The following LYST variants were observed in gnomAD, a reference collection of about 807,000 sequenced individuals.
LYST encodes the protein lysosomal trafficking regulator.
Under a neutral mutation model 413.6 loss-of-function variants are expected in LYST, and 192 were observed. That is an observed-to-expected ratio of 0.46 (90% CI 0.41 to 0.52). LYST has a LOEUF of 0.52. LYST is among the 20% of genes least tolerant of loss of function. The pLI is 0.00. For synonymous variants in LYST, 1,525 were observed against 1,567.3 expected, an observed-to-expected ratio of 0.97 and a Z score of 0.64; for missense variants, 3,815 against 4,499.9, an observed-to-expected ratio of 0.85 and a Z score of 4.35.
chr1:235,714,935 A>AATT (rs1470525234), intron 42 of LYST, among the ~76,000 whole-genome samples: 1 of 152,226 alleles, frequency 6.6e-6, no homozygotes, highest in East Asian at 1.9e-4. Flanking sequence ...ATGGTTTGTG[A>AATT]ATTATATCTT....
intron 29 of LYST, among the ~76,000 whole-genome samples, chr1:235,744,470 A>C (rs1391534546): frequency 9.9e-5 from 15 of 152,234 alleles, no homozygotes. Flanking sequence ...AGATCATGTC[A>C]TATTTACATG....
chr1:235,670,987 T>G (rs1222645906), intron 50 of LYST, among the ~76,000 whole-genome samples: 1 of 152,206 alleles, frequency 6.6e-6, no homozygotes, highest in Non-Finnish European at 1.5e-5. Flanking sequence ...TGTTAAAATA[T>G]TGGAAAGATA....
At chr1:235,868,697 T>A (rs1358084957), upstream of LYST, among the ~76,000 whole-genome samples, 1 of 152,108 alleles carries the variant, frequency 6.6e-6, no homozygotes, top group Non-Finnish European at 1.5e-5. Context: ...CAGTGTTTTT[T>A]ATTTTATTTT....
At position 235,686,899 on chromosome 1, in the gene LYST, C is replaced by T. The variant is rs757331327; in HGVS notation, c.10800+50G>A. 2 of 1,293,378 alleles carry T rather than the reference C, an allele frequency of 1.5e-6. No homozygotes were observed. Among genetic ancestry groups the T allele is most frequent in the Non-Finnish European group, 2.3e-6 (2 of 887,118 alleles). 80.1% of individuals were successfully genotyped at this position (1,293,378 alleles called of 1,614,324 possible). A position where few individuals can be genotyped will look rare whatever the true frequency, so the allele number is the denominator to read the frequency against. ...AATTATACTTCATAAAGGCTTTCTT[C>T]CCCTCATTGACAAAGTCCCATACTA... On this transcript the variant is annotated intron_variant, in intron 48 of 52. Coordinates refer to ENST00000389793, the MANE Select transcript of LYST (RefSeq NM_000081.4). The surrounding 1 kb of genome is among the most constrained non-coding windows in gnomAD (Gnocchi z 4.0).
intron 10 of LYST, among the ~76,000 whole-genome samples, chr1:235,794,884 G>T (rs1210170450): frequency 6.6e-6 from 1 of 152,064 alleles, no homozygotes; most frequent in East Asian, 1.9e-4. Context: ...AGTTAAAAAT[G>T]GGGAAATGGA....
At chr1:235,825,326 G>A (rs1675209431) in intron 3 of LYST, among the ~76,000 whole-genome samples, 1 of 152,122 alleles carries the variant, frequency 6.6e-6, no homozygotes. Context: ...ACTTCCATCT[G>A]CTTTTGTACT....
At chr1:235,778,677 G>A (rs1669558332) in intron 16 of LYST, among the ~76,000 whole-genome samples, 1 of 151,750 alleles carries the variant, frequency 6.6e-6, no homozygotes, top group Non-Finnish European at 1.5e-5. Context: ...ATGAGCCACC[G>A]TGCCTGGCCT....
intron 20 of LYST, among the ~76,000 whole-genome samples, chr1:235,768,197 G>C (rs1267035326): frequency 3.9e-5 from 6 of 152,090 alleles, no homozygotes; most frequent in Admixed American, 3.3e-4. Context: ...TTACAAGGTT[G>C]CTTTTTTTTC....
chr1:235,793,935 C>G (rs1671296114), intron 10 of LYST, among the ~76,000 whole-genome samples: 2 of 152,062 alleles, frequency 1.3e-5, no homozygotes, highest in Admixed American at 1.3e-4. Flanking sequence ...CAGGTTCAAG[C>G]AATTCTCCTG....
intron 1 of LYST, among the ~76,000 whole-genome samples, chr1:235,844,608 AC>A (rs1677581322): frequency 6.6e-6 from 1 of 152,124 alleles, no homozygotes; most frequent in Non-Finnish European, 1.5e-5. Flanking sequence ...ACTAAATACT[AC>A]CTCTAAATGG....
intron 48 of LYST, among the ~76,000 whole-genome samples, chr1:235,680,750 C>T (rs552982165): frequency 4.1e-4 from 63 of 152,202 alleles, no homozygotes; most frequent in African/African-American, 1.4e-3. Context: ...AGGCAGCTGC[C>T]ACCACGCCCG....
chr1:235,696,976 G>C, intron 46 of LYST, 107 bp downstream of exon 46: 2 of 1,052,504 alleles, frequency 1.9e-6, no homozygotes, highest in Non-Finnish European at 2.9e-6. Flanking sequence ...ACAAATTTGA[G>C]CTGAGTTTTT....
intron 30 of LYST, among the ~76,000 whole-genome samples, chr1:235,743,724 C>A (rs1665643043): frequency 6.6e-6 from 1 of 152,128 alleles, no homozygotes; most frequent in South Asian, 2.1e-4. Flanking sequence ...TGATGCTGAT[C>A]TTACTAAACA....
At chr1:235,880,364 G>C (rs1681326627) in intron 1 of LYST, among the ~76,000 whole-genome samples, 1 of 152,204 alleles carries the variant, frequency 6.6e-6, no homozygotes, top group South Asian at 2.1e-4. Flanking sequence ...TAAGAATGGA[G>C]GTTGTAAGAT....
At chr1:235,746,119 G>A (rs1357099061) in intron 29 of LYST, among the ~76,000 whole-genome samples, 2 of 152,128 alleles carry the variant, frequency 1.3e-5, no homozygotes, top group Non-Finnish European at 2.9e-5. Flanking sequence ...AGTGCCATAT[G>A]GTTTTAAACT....
rs753354686 is a variant in LYST, at chr1:235,743,984, A to C, written c.8146T>G (p.Ser2716Ala). 1 of 1,418,010 alleles carries C rather than the reference A, an allele frequency of 7.1e-7. No homozygotes were observed. The highest frequency in any genetic ancestry group is 1.0e-6 in the Non-Finnish European group (1 of 1,003,468). 87.8% of individuals were successfully genotyped at this position (1,418,010 alleles called of 1,614,324 possible). The change falls in exon 30 of 53, where the codon TCT (serine) becomes GCT (alanine). Residue 2716 changes from serine (S) to alanine (A), a missense_variant. Around this residue, in one of 4 missense-constraint regions of LYST, gnomAD observed 771 missense variants for 837.1 expected, o/e 0.92. Coordinates refer to ENST00000389793, the MANE Select transcript of LYST (RefSeq NM_000081.4). ...FTYLVEGFKVSIGSSKASGSK... is the reference protein window; with the variant it reads ...FTYLVEGFKVAIGSSKASGSK... ...CATGTAATTAATTTACTTACAATAG[A>C]TACTTTGAATCCTTCTACCAGATAT...
In LYST at chr1:235,723,975, AG is replaced by A. The variant is rs977424768; in HGVS notation, c.9315+52del. 23 of 1,433,386 alleles carry A rather than the reference AG, an allele frequency of 1.6e-5. No homozygotes were observed. The African/African-American group carries it at 2.8e-4, about 17-fold the overall frequency. 88.8% of individuals were successfully genotyped at this position (1,433,386 alleles called of 1,614,324 possible). A position where few individuals can be genotyped will look rare whatever the true frequency, so the allele number is the denominator to read the frequency against. Reference sequence around the variant, plus strand: ...ATGTAATCAGTATGAGTATAGTTACAGTGGCCCATGAGCACTTAAACAATAT... The same window carrying A: ...ATGTAATCAGTATGAGTATAGTTACATGGCCCATGAGCACTTAAACAATAT... On this transcript the variant is annotated intron_variant, in intron 39 of 52. Transcript: ENST00000389793.
chr1:235,856,064 T>A (rs1679142979), intron 1 of LYST, among the ~76,000 whole-genome samples: 1 of 152,124 alleles, frequency 6.6e-6, no homozygotes, highest in Admixed American at 6.6e-5. Flanking sequence ...TATATAAATA[T>A]TTTCTGAGCA....
At chr1:235,790,572 A>C (rs1257089414) in intron 12 of LYST, among the ~76,000 whole-genome samples, 1 of 152,212 alleles carries the variant, frequency 6.6e-6, no homozygotes, top group Non-Finnish European at 1.5e-5. Context: ...CAGAGGTTCC[A>C]CTGGATGAGA....
Sources: allele counts gnomAD v4.1 joint callset (sites outside exome capture counted in the v4.1 genomes callset), GRCh38; gene constraint gnomAD v4.1.1; regional missense constraint gnomAD v4.1.1; non-coding constraint Gnocchi (gnomAD v3.1); transcripts MANE v1.5; gene names NCBI Gene and HGNC (gene_info 2026-07-23, HGNC 2026-07-21).